UCP2: variants seen among roughly 807,000 people sequenced by gnomAD.
UCP2 encodes dicarboxylate carrier SLC25A8.
A neutral mutation model predicts 31.3 loss-of-function variants in UCP2; 27 were observed. The observed-to-expected ratio is 0.86, with a 90% CI of 0.64 to 1.19. UCP2 has a LOEUF of 1.19. Ranked by LOEUF, UCP2 falls within the 50% of genes most tolerant of loss-of-function variation. The pLI, the probability that UCP2 is intolerant of heterozygous loss-of-function variation, is 0.00. For synonymous variants in UCP2, 142 were observed against 157.4 expected, an observed-to-expected ratio of 0.90 and a Z score of 0.73; for missense variants, 377 against 413.5, an observed-to-expected ratio of 0.91 and a Z score of 0.76.
At position 73,976,853 on chromosome 11, in the gene UCP2, G is replaced by A. The variant is rs780384849; in HGVS notation, c.502C>T (p.Arg168Ter). ...CAGAGGCCCCGGAACCCTTCCTCTC[G>A]GGCAATGGTCTTGTAGGCATTGACG... Reference protein sequence around the residue: ...STVNAYKTIAREEGFRGLWKG... With the variant: ...STVNAYKTIA Residue 168 changes from arginine (R) to a stop codon, truncating the protein, a stop_gained, in exon 5 of 8, where the codon CGA (arginine) becomes TGA (stop). Coordinates refer to ENST00000663595, the MANE Select transcript of UCP2 (RefSeq NM_003355.3). LOFTEE classifies it high-confidence loss of function. The A allele has an allele frequency of 5.6e-6, 9 of 1,614,090 alleles. No homozygotes were observed. Among genetic ancestry groups the A allele is most frequent in the Middle Eastern group, 1.6e-4 (1 of 6,084 alleles).
intron 2 of UCP2, among the ~76,000 whole-genome samples, chr11:73,979,729 G>A (rs548600336): frequency 2.6e-5 from 4 of 151,524 alleles, no homozygotes; most frequent in African/African-American, 9.7e-5. Flanking sequence ...TACTTGGGAC[G>A]ATTGCTTGAG....
At position 73,975,660 on chromosome 11, in the gene UCP2, A is replaced by G; in HGVS notation, c.646T>C (p.Cys216Arg). Residue 216 changes from cysteine to arginine, a missense_variant, in exon 7 of 8, where the codon TGC becomes CGC. Physicochemically the swap from Cys to Arg is radical, Grantham distance 180. Coordinates refer to ENST00000663595, the MANE Select transcript of UCP2 (RefSeq NM_003355.3). ...KANLMTDDLP[C>R]HFTSAFGAGF... ...GCCCCAAAGGCAGAAGTGAAGTGGC[A>G]AGGGAGGTCATCTGCCAAGGAGGAG... 6.2e-7 allele frequency: 1 copy of G among 1,613,652 alleles called. No individual in the cohort carries two copies. Among genetic ancestry groups the G allele is most frequent in the Non-Finnish European group, 8.5e-7 (1 of 1,179,502 alleles).
intron 3 of UCP2, 66 bp downstream of exon 3, chr11:73,978,187 G>A: frequency 8.7e-6 from 14 of 1,614,032 alleles, no homozygotes; most frequent in Non-Finnish European, 1.2e-5. Context: ...GGCCCTTGAG[G>A]GGTCTGTGTC....
intron 2 of UCP2, among the ~76,000 whole-genome samples, chr11:73,979,484 T>C (rs1352488269): frequency 6.6e-6 from 1 of 151,404 alleles, no homozygotes; most frequent in Non-Finnish European, 1.5e-5. Context: ...GAGGTGGAGG[T>C]TGCAGTAGCT....
At chr11:73,980,013 ACAC>A (rs1353768911) in intron 2 of UCP2, 3 of 152,196 alleles carry the variant, frequency 2.0e-5, no homozygotes, top group African/African-American at 7.2e-5. Flanking sequence ...ATCCGCACTT[ACAC>A]CACAAGACAG....
rs766213486 is a variant in UCP2 at position 73,976,815 on chromosome 11, G to A, written c.532+8C>T. On this transcript the variant is annotated splice_region_variant and intron_variant, in intron 5 of 7. Coordinates refer to ENST00000663595, the MANE Select transcript of UCP2 (RefSeq NM_003355.3). ...GGAAAAGGGGAAGGGAAAACAACTG[G>A]TACACACCTTTCCAGAGGCCCCGGA... 1.2e-6 allele frequency: 2 copies of A among 1,614,226 alleles called. No homozygotes were observed. The highest frequency in any genetic ancestry group is 3.3e-5 in the Admixed American group (2 of 60,028).
chr11:73,981,372 G>T (rs45566236), intron 2 of UCP2, 104 bp downstream of exon 2: 2 of 152,210 alleles, frequency 1.3e-5, no homozygotes, highest in African/African-American at 4.8e-5. Context: ...TCACTGTCGG[G>T]GGTGGGGATG....
chr11:73,975,055 C>T lies in UCP2; in HGVS notation c.882G>A (p.Leu294=). ...TGCAGGCAGCCATGAGGGCTCGTTT[C>T]AGCTGCTCATAGGTGACGAACATCA... ...NVVMFVTYEQ[L]KRALMAACTS... Residue 294 remains leucine, a synonymous_variant, in exon 8 of 8, where the codon CTG becomes CTA. Coordinates refer to ENST00000663595, the MANE Select transcript of UCP2 (RefSeq NM_003355.3). 9 of 1,613,754 alleles carry T rather than the reference C, an allele frequency of 5.6e-6. No homozygotes were observed. Among genetic ancestry groups the T allele is most frequent in the Non-Finnish European group, 7.6e-6 (9 of 1,179,844 alleles).
In UCP2 at chr11:73,976,858, A is replaced by G. The variant is rs1951355580; in HGVS notation, c.497T>C (p.Ile166Thr). 1 of 1,614,214 alleles carries G rather than the reference A, an allele frequency of 6.2e-7. No homozygotes were observed. Among genetic ancestry groups the G allele is most frequent in the Non-Finnish European group, 8.5e-7 (1 of 1,180,030 alleles). Reference sequence around the variant, plus strand: ...GCCCCGGAACCCTTCCTCTCGGGCAATGGTCTTGTAGGCATTGACGGTGCT... The same window carrying G: ...GCCCCGGAACCCTTCCTCTCGGGCAGTGGTCTTGTAGGCATTGACGGTGCT... ...YQSTVNAYKT[I>T]AREEGFRGLW... The change falls in exon 5 of 8, where the codon ATT (isoleucine) becomes ACT (threonine). Residue 166 changes from isoleucine (I) to threonine (T), a missense_variant. Physicochemically the swap from Ile to Thr is moderately conservative, Grantham distance 89. Coordinates refer to ENST00000663595, the MANE Select transcript of UCP2 (RefSeq NM_003355.3).
chr11:73,978,860 C>A, intron 2 of UCP2: 1 of 281,840 alleles, frequency 3.5e-6, no homozygotes, highest in South Asian at 3.5e-5. Flanking sequence ...AAAAGTTTCA[C>A]CCAGACTAAG....
rs908818175 is a variant in UCP2, at chr11:73,975,550, G to A, written c.756C>T (p.Ser252=). 5.6e-6 allele frequency: 9 copies of A among 1,613,756 alleles called. No homozygotes were observed. The highest frequency in any genetic ancestry group is 5.0e-5 in the Admixed American group (3 of 59,990). ...YMNSALGQYS[S]AGHCALTMLQ... The stretch of plus-strand genomic sequence containing the variant: ...GCATGGTAAGGGCACAGTGGCCAGC[G>A]CTACTGTACTGGCCCAGGGCAGAGT... The change falls in exon 7 of 8, where the codon AGC becomes AGT. Residue 252 remains serine (S), a synonymous_variant. Coordinates refer to ENST00000663595, the MANE Select transcript of UCP2 (RefSeq NM_003355.3).
rs748989955 is a variant in UCP2 at position 73,976,862 on chromosome 11, T to A, written c.493A>T (p.Thr165Ser). 6.2e-7 allele frequency: 1 copy of A among 1,614,114 alleles called. No homozygotes were observed. Among genetic ancestry groups the A allele is most frequent in the South Asian group, 1.1e-5 (1 of 91,066 alleles). ...CGGAACCCTTCCTCTCGGGCAATGG[T>A]CTTGTAGGCATTGACGGTGCTTTGG... is the stretch of plus-strand genomic sequence containing the variant. ...RYQSTVNAYK[T>S]IAREEGFRGL... Residue 165 changes from threonine (T) to serine (S), a missense_variant, in exon 5 of 8, where the codon ACC becomes TCC. Transcript: ENST00000663595.
At chr11:73,981,822 T>G (rs1591223259) in intron 1 of UCP2, among the ~76,000 whole-genome samples, 190 bp from the exon 2 acceptor site, 1 of 145,858 alleles carries the variant, frequency 6.9e-6, no homozygotes, top group South Asian at 2.4e-4. Context: ...CCCACCTGCT[T>G]AATATCACAA....
chr11:73,977,107 TCTC>T (rs2135365963), intron 4 of UCP2, 90 bp from the exon 5 acceptor site: 4 of 1,380,934 alleles, frequency 2.9e-6, no homozygotes, highest in Non-Finnish European at 3.9e-6. Flanking sequence ...GTCACTGTCA[TCTC>T]CTGCTTTTGG....
At chr11:73,982,630 T>G (rs1200176761) in intron 1 of UCP2, 91 bp downstream of exon 1, 1 of 152,132 alleles carries the variant, frequency 6.6e-6, no homozygotes, top group African/African-American at 2.4e-5. Context: ...AGTACAAACT[T>G]GGGTGGGAGA....
intron 2 of UCP2, chr11:73,980,159 A>AGG (rs1379891691): frequency 6.6e-6 from 1 of 152,066 alleles, no homozygotes; most frequent in Non-Finnish European, 1.5e-5. Flanking sequence ...CTAGTGGGGG[A>AGG]GGGTGACCTG....
intron 2 of UCP2, among the ~76,000 whole-genome samples, chr11:73,979,208 GAAC>G (rs1436640573): frequency 1.3e-5 from 2 of 152,202 alleles, no homozygotes; most frequent in Admixed American, 6.5e-5. Context: ...GCAAAGGAGG[GAAC>G]AACTAATGCC....
At chr11:73,980,553 G>C (rs1951434858) in intron 2 of UCP2, 1 of 150,298 alleles carries the variant, frequency 6.7e-6, no homozygotes, top group African/African-American at 2.4e-5. Flanking sequence ...TCCCCCAGGA[G>C]GTGCTCCACA....
At chr11:73,977,113 G>A in intron 4 of UCP2, 96 bp from the exon 5 acceptor site, 4 of 1,338,856 alleles carry the variant, frequency 3.0e-6, no homozygotes, top group Non-Finnish European at 4.0e-6. Flanking sequence ...GTCATCTCCT[G>A]CTTTTGGGAA....
Sources: allele counts gnomAD v4.1 joint callset (sites outside exome capture counted in the v4.1 genomes callset), GRCh38; gene constraint gnomAD v4.1.1; transcripts MANE v1.5; gene names NCBI Gene and HGNC (gene_info 2026-07-23, HGNC 2026-07-21).